The following DCC variants were observed in gnomAD, a reference collection of about 807,000 sequenced individuals.
The protein encoded by DCC is DCC netrin 1 receptor, also known as netrin receptor DCC.
DCC carries 58 observed loss-of-function variants against 172.5 expected under a neutral mutation model. The observed-to-expected ratio is 0.34, with a 90% CI of 0.27 to 0.42. The LOEUF is 0.42. Among genes scored for constraint, DCC ranks in the 10% least tolerant of loss-of-function variants. The probability of loss-of-function intolerance (pLI) is 1.00; values close to 1 mark genes in which losing one functional copy is unlikely to be tolerated. For synonymous variants in DCC, 709 were observed against 644.5 expected (o/e 1.10, Z -1.52); for missense variants, 1,740 against 1,791.0 (o/e 0.97, Z 0.51).
At chr18:52,726,733 A>G (rs1284733155) in intron 1 of DCC, among the ~76,000 whole-genome samples, 1 of 152,198 alleles carries the variant, frequency 6.6e-6, no homozygotes, top group Non-Finnish European at 1.5e-5. Flanking sequence ...CTCTGACTGG[A>G]TGAATGACTA....
chr18:52,635,233 CT>C (rs2034751581), intron 1 of DCC, among the ~76,000 whole-genome samples: 1 of 152,024 alleles, frequency 6.6e-6, no homozygotes, highest in Admixed American at 6.5e-5. Flanking sequence ...CTCCAAGAAA[CT>C]CAAAAATCTC....
chr18:52,911,856 A>G (rs2039975625), intron 3 of DCC, among the ~76,000 whole-genome samples: 1 of 151,926 alleles, frequency 6.6e-6, no homozygotes. Flanking sequence ...TAGATTTAAG[A>G]TGGATAAAAT....
At chr18:52,653,011 T>C (rs569298404) in intron 1 of DCC, among the ~76,000 whole-genome samples, 1 of 152,078 alleles carries the variant, frequency 6.6e-6, no homozygotes, top group Non-Finnish European at 1.5e-5. Flanking sequence ...TAAAGCACAC[T>C]TTTTTCCCCA....
intron 1 of DCC, among the ~76,000 whole-genome samples, chr18:52,602,438 A>G (rs1256143027): frequency 8.5e-6 from 1 of 118,252 alleles, no homozygotes; most frequent in Non-Finnish European, 2.0e-5. Flanking sequence ...AACTTACAAC[A>G]TATTTCTTTT....
intron 1 of DCC, among the ~76,000 whole-genome samples, chr18:52,681,781 CAAT>C (rs1312828854): frequency 6.6e-6 from 1 of 152,044 alleles, no homozygotes; most frequent in African/African-American, 2.4e-5. Flanking sequence ...CGAGCGCAGA[CAAT>C]GTGAGGAGAC....
chr18:53,210,309 G>A (rs2055728654), intron 11 of DCC, among the ~76,000 whole-genome samples: 1 of 152,266 alleles, frequency 6.6e-6, no homozygotes, highest in South Asian at 2.1e-4. Flanking sequence ...CTTCAGTCAT[G>A]GAGCACTCTT....
At chr18:52,937,728 C>A (rs2040401585) in intron 5 of DCC, among the ~76,000 whole-genome samples, 1 of 152,000 alleles carries the variant, frequency 6.6e-6, no homozygotes, top group Admixed American at 6.6e-5. Flanking sequence ...AGTCAGTAAT[C>A]CTCAGCCAGG....
intron 1 of DCC, among the ~76,000 whole-genome samples, chr18:52,706,228 A>T (rs1484310802): frequency 6.6e-6 from 1 of 152,264 alleles, no homozygotes; most frequent in African/African-American, 2.4e-5. Flanking sequence ...TGAACTCTAG[A>T]AACAAAGATT....
chr18:52,369,888 A>C (rs1985042480), intron 1 of DCC, among the ~76,000 whole-genome samples: 1 of 152,178 alleles, frequency 6.6e-6, no homozygotes, highest in African/African-American at 2.4e-5. Context: ...ATGATTGGGA[A>C]AATGAATTCA....
intron 7 of DCC, among the ~76,000 whole-genome samples, chr18:53,084,598 C>T (rs988938077): frequency 6.6e-6 from 1 of 152,180 alleles, no homozygotes; most frequent in African/African-American, 2.4e-5. Context: ...CTAACTGGTT[C>T]CCAGCTTTGA....
At chr18:53,116,266 C>G (rs1185766261) in intron 7 of DCC, among the ~76,000 whole-genome samples, 1 of 151,746 alleles carries the variant, frequency 6.6e-6, no homozygotes, top group Non-Finnish European at 1.5e-5. Context: ...CTAGCCCGAG[C>G]ATAGGAGCTC....
At chr18:53,521,463 G>A (rs4453579) in intron 27 of DCC, among the ~76,000 whole-genome samples, 75,448 of 151,994 alleles carry the variant, frequency 0.5, 19,984 homozygotes, top group East Asian at 0.74. Context: ...CGTGATAACC[G>A]TAGGCTATGC....
At chr18:52,468,494 C>T (rs1568184030) in intron 1 of DCC, among the ~76,000 whole-genome samples, 2 of 152,166 alleles carry the variant, frequency 1.3e-5, no homozygotes, top group Non-Finnish European at 2.9e-5. Context: ...TCATCCCATG[C>T]CTCCAAGCAA....
At chr18:52,603,354 G>A (rs141870957) in intron 1 of DCC, among the ~76,000 whole-genome samples, 30 of 151,956 alleles carry the variant, frequency 2.0e-4, no homozygotes, top group Non-Finnish European at 2.8e-4. Flanking sequence ...CCATTAGACC[G>A]AGAATTAGGA....
rs1555668566 is a variant in DCC at position 52,817,803 on chromosome 18, A to ATG, written c.412+65443_412+65444dup. ...AAATATAAAATGTTTATATATATAT[A>ATG]TGTGTGTGTGTGTGTATAATTTATG... On this transcript the variant is annotated intron_variant, in intron 2 of 28. Transcript: ENST00000442544. Among the ~76,000 whole-genome samples the ATG allele has an allele frequency of 5.1e-4, 77 of 151,536 alleles. 1 individual carries two copies. The highest frequency in any genetic ancestry group is 3.1e-3 in the South Asian group (15 of 4,770).
rs1030701482 is a variant in DCC at position 53,321,961 on chromosome 18, C to T, written c.2054-86C>T. The stretch of plus-strand genomic sequence containing the variant: ...ATGTAAAGCATGTCCACTATTGTTA[C>T]AATTTTGCTGAAGCTTTTGGAAACC... On this transcript the variant is annotated intron_variant, in intron 13 of 28. Transcript: ENST00000442544. 8 of 791,266 alleles carry T rather than the reference C, an allele frequency of 1.0e-5. No individual in the cohort carries two copies. The East Asian group carries it at 1.5e-4, about 14-fold the overall frequency. 49.0% of individuals were successfully genotyped at this position (791,266 alleles called of 1,614,324 possible).
chr18:52,733,298 A>AT (rs553157257), intron 1 of DCC, among the ~76,000 whole-genome samples: 117 of 152,170 alleles, frequency 7.7e-4, no homozygotes, highest in African/African-American at 2.6e-3. Context: ...TTCACGTATC[A>AT]TTTTTCATAG....
chr18:52,699,643 A>G (rs1896747029), intron 1 of DCC, among the ~76,000 whole-genome samples: 1 of 152,208 alleles, frequency 6.6e-6, no homozygotes, highest in African/African-American at 2.4e-5. Context: ...CATGGCATGG[A>G]TAATTGCATT....
intron 27 of DCC, among the ~76,000 whole-genome samples, chr18:53,507,179 CAGATCTTTAAAGTTCTTCA>C (rs1214168703): frequency 6.6e-6 from 1 of 152,082 alleles, no homozygotes; most frequent in Non-Finnish European, 1.5e-5. Context: ...AAGTAGTTGA[CAGATCTTTAAAGTTCTTCA>C]ATGAGCATCA....
Sources: gnomAD v4.1 joint callset for allele counts (sites outside exome capture counted in the v4.1 genomes callset) on GRCh38, gnomAD v4.1.1 for gene constraint, MANE v1.5 for transcripts, NCBI Gene and HGNC (gene_info 2026-07-23, HGNC 2026-07-21) for gene names.